Variants in GRIK5 observed in about 807,000 individuals in gnomAD.
GRIK5 encodes the protein glutamate ionotropic receptor kainate type subunit 5, also known as glutamate receptor ionotropic, kainate 5.
Under a neutral mutation model 97.4 loss-of-function variants are expected in GRIK5, and 43 were observed. The observed-to-expected ratio is 0.44, with a 90% confidence interval of 0.35 to 0.57. The LOEUF is 0.57. GRIK5 is among the 20% of genes least tolerant of loss of function. The pLI is 0.01. For synonymous variants in GRIK5, 580 were observed against 583.5 expected (o/e 0.99, Z 0.09); for missense variants, 1,015 against 1,382.0 (o/e 0.73, Z 4.21).
At chr19:42,037,403 G>A (rs1310747882) in intron 12 of GRIK5, among the ~76,000 whole-genome samples, 1 of 152,212 alleles carries the variant, frequency 6.6e-6, no homozygotes, top group Admixed American at 6.5e-5. Flanking sequence ...AGGTTGCAGT[G>A]AGCCGAGATC....
In GRIK5 at chr19:42,056,670, C is replaced by G; in HGVS notation, c.895G>C (p.Gly299Arg). ...RENCEASTYL[G>R]PALSAALMFD... ...GGTATCTGTGTGCTCACCGCAGGGC[C>G]CAGGTAGGTGCTGGCTTCACAGTTC... is the stretch of plus-strand genomic sequence containing the variant. The change falls in exon 8 of 20, where the codon GGC becomes CGC. Residue 299 changes from glycine to arginine, a missense_variant. Coordinates refer to ENST00000593562, the MANE Select transcript of GRIK5 (RefSeq NM_002088.5). The G allele has an allele frequency of 6.2e-7, 1 of 1,613,940 alleles. No individual in the cohort carries two copies. The highest frequency in any genetic ancestry group is 8.5e-7 in the Non-Finnish European group (1 of 1,179,890).
intron 3 of GRIK5, among the ~76,000 whole-genome samples, chr19:42,064,541 C>T (rs1032214395): frequency 1.3e-5 from 2 of 152,180 alleles, no homozygotes; most frequent in Non-Finnish European, 2.9e-5. Flanking sequence ...ATCCCAGCTT[C>T]TCCCAAGTTG....
At chr19:42,057,060 G>T in intron 6 of GRIK5, 82 bp from the exon 7 acceptor site, 2 of 1,019,962 alleles carry the variant, frequency 2.0e-6, no homozygotes, top group African/African-American at 1.6e-5. Flanking sequence ...GAGAAGAAGA[G>T]AGATTTAGAG....
In GRIK5 at chr19:41,999,949, G is replaced by A. The variant is rs1555870582; in HGVS notation, c.2515-650C>T. ...AAGGATCCTTAAATAAAGACAGGGT[G>A]AGCCACTGGAGACCTGGGAAGCCAG... On this transcript the variant is annotated intron_variant, in intron 19 of 19. Transcript: ENST00000593562. The surrounding 1 kb of genome is among the most constrained non-coding windows in gnomAD (Gnocchi z 5.0). Among the ~76,000 whole-genome samples, 1 of 152,236 alleles carries A rather than the reference G, an allele frequency of 6.6e-6. No individual in the cohort carries two copies. The highest frequency in any genetic ancestry group is 1.9e-4 in the East Asian group (1 of 5,206).
rs1439326383 is a variant in GRIK5 at position 42,058,346 on chromosome 19, A to T, written c.687+1003T>A. 3.3e-5 allele frequency among the ~76,000 whole-genome samples: 5 copies of T among 151,044 alleles called. No homozygotes were observed. The East Asian group carries it at 9.9e-4, about 30-fold the overall frequency. ...CAGGCGCCCGCCACCACGCCCGGCT[A>T]ATTCTTTTGTATTTTTAGTAGAAAT... On this transcript the variant is annotated intron_variant, in intron 6 of 19. Transcript: ENST00000593562.
rs576604790 is a variant in GRIK5 at position 42,039,399 on chromosome 19, C to T, written c.1473+3153G>A. Among the ~76,000 whole-genome samples, 9 of 152,016 alleles carry T rather than the reference C, an allele frequency of 5.9e-5. No homozygotes were observed. The South Asian group carries it at 1.5e-3, about 25-fold the overall frequency. ...GAGGCAGGAGAATCATTTGAACCCA[C>T]GAGGCAGAGGTTGCAGTGAGCCAAG... On this transcript the variant is annotated intron_variant, in intron 12 of 19. Transcript: ENST00000593562.
At chr19:42,037,296 C>A (rs1568908575) in intron 12 of GRIK5, among the ~76,000 whole-genome samples, 2 of 152,154 alleles carry the variant, frequency 1.3e-5, no homozygotes, top group Non-Finnish European at 2.9e-5. Context: ...CCCGTCTCCA[C>A]TAAAAATACA....
In GRIK5 at chr19:42,021,932, A is replaced by T; in HGVS notation, c.1697+15T>A. The T allele has an allele frequency of 6.4e-7, 1 of 1,570,116 alleles. No homozygotes were observed. Among genetic ancestry groups the T allele is most frequent in the Non-Finnish European group, 8.7e-7 (1 of 1,143,176 alleles). On this transcript the variant is annotated intron_variant, in intron 14 of 19. Transcript: ENST00000593562. The surrounding 1 kb of genome is among the most constrained non-coding windows in gnomAD (Gnocchi z 4.2). ...CTCCTCCAGCCCCTTCCTTCCCAGT[A>T]GGCAGTGGACTCACCTGGCAGCCAG...
At chr19:42,023,737 G>T (rs1011783148) in intron 12 of GRIK5, among the ~76,000 whole-genome samples, 2 of 152,188 alleles carry the variant, frequency 1.3e-5, no homozygotes, top group African/African-American at 4.8e-5. Context: ...ACACTCCTCA[G>T]ATCTGTCCAT....
intron 6 of GRIK5, among the ~76,000 whole-genome samples, chr19:42,057,232 G>GGGACATTTTGCT (rs2076198677): frequency 6.6e-6 from 1 of 152,142 alleles, no homozygotes; most frequent in African/African-American, 2.4e-5. Flanking sequence ...TTTGCTAGAG[G>GGGACATTTTGCT]AGAGATTTTG....
In GRIK5 at chr19:42,021,416, G is replaced by T; in HGVS notation, c.1756C>A (p.Leu586Met). The part of the protein sequence containing the change: ...HPCLRARPHI[L>M]ENQYTLGNSL... Reference sequence around the variant, plus strand: ...TTGCCCAGCGTGTACTGGTTCTCCAGGATGTGGGGGCGTGCCCGCAGGCAT... The same window carrying T: ...TTGCCCAGCGTGTACTGGTTCTCCATGATGTGGGGGCGTGCCCGCAGGCAT... Residue 586 changes from leucine (L) to methionine (M), a missense_variant, in exon 15 of 20, where the codon CTG becomes ATG. Physicochemically the swap from Leu to Met is conservative, Grantham distance 15 (BLOSUM62 2). Transcript: ENST00000593562. This position sits in a 1 kb window ranked among gnomAD's most constrained non-coding sequence, Gnocchi z 4.2. 1.2e-6 allele frequency: 2 copies of T among 1,610,766 alleles called. No individual in the cohort carries two copies. The highest frequency in any genetic ancestry group is 2.2e-5 in the South Asian group (2 of 90,624).
intron 6 of GRIK5, among the ~76,000 whole-genome samples, chr19:42,058,734 G>A (rs1010259435): frequency 6.7e-6 from 1 of 149,444 alleles, no homozygotes; most frequent in East Asian, 2.0e-4. Context: ...GCTGACACAG[G>A]AGAATCACTT....
chr19:42,003,820 ACC>A lies in GRIK5; in HGVS notation c.2264-139_2264-138del. On this transcript the variant is annotated intron_variant, in intron 17 of 19. Transcript: ENST00000593562. The surrounding 1 kb of genome is among the most constrained non-coding windows in gnomAD (Gnocchi z 4.2). Reference sequence around the variant, plus strand: ...AGGGTCTTCCCTGCAGCCTCTCCTCACCCCCAGCCCAGTCTCCTCTCAACACA... The same window carrying A: ...AGGGTCTTCCCTGCAGCCTCTCCTCACCCAGCCCAGTCTCCTCTCAACACA... 1.2e-6 allele frequency: 1 copy of A among 867,808 alleles called. No individual in the cohort carries two copies. The highest frequency in any genetic ancestry group is 1.7e-6 in the Non-Finnish European group (1 of 587,072). The allele number at this position is 867,808 out of a possible 1,614,324, so 53.8% of individuals were successfully genotyped here.
rs1002559399 is a variant in GRIK5, at chr19:42,021,812, A to C, written c.1697+135T>G. The C allele has an allele frequency of 1.7e-5, 11 of 636,200 alleles. No individual in the cohort carries two copies. Among genetic ancestry groups the C allele is most frequent in the African/African-American group, 7.4e-5 (4 of 54,296 alleles). The allele number at this position is 636,200 out of a possible 1,614,324, so 39.4% of individuals were successfully genotyped here. ...TCAGACACAGGGCACAAAACTGAGA[A>C]AGGAGGGCACAGGGAATCCGAGGCC... On this transcript the variant is annotated intron_variant, in intron 14 of 19. Transcript: ENST00000593562. This position sits in a 1 kb window ranked among gnomAD's most constrained non-coding sequence, Gnocchi z 4.2.
At chr19:42,023,248 A>T (rs1400159526) in intron 12 of GRIK5, among the ~76,000 whole-genome samples, 3 of 151,940 alleles carry the variant, frequency 2.0e-5, no homozygotes, top group Non-Finnish European at 4.4e-5. Flanking sequence ...GCCTCGATAA[A>T]ACCGAGGAGC....
intron 12 of GRIK5, among the ~76,000 whole-genome samples, chr19:42,024,513 T>C (rs182365253): frequency 8.3e-4 from 126 of 152,226 alleles, no homozygotes; most frequent in African/African-American, 2.9e-3. Flanking sequence ...GCGCCTGGCC[T>C]CATTGTCCTG....
Position 41,999,752 on chromosome 19 carries a change from G to T in GRIK5, c.2515-453C>A, listed in dbSNP as rs535549915. 6.6e-6 allele frequency among the ~76,000 whole-genome samples: 1 copy of T among 150,798 alleles called. No homozygotes were observed. The highest frequency in any genetic ancestry group is 2.1e-4 in the South Asian group (1 of 4,824). ...GAAACAGACAGAAGTCCCAGCCCTC[G>T]TGGAGGTTATGCTCAAGTGTGCAGA... On this transcript the variant is annotated intron_variant, in intron 19 of 19. Transcript: ENST00000593562. This position sits in a 1 kb window ranked among gnomAD's most constrained non-coding sequence, Gnocchi z 5.0.
chr19:42,048,544 G>A (rs368788366), intron 11 of GRIK5, among the ~76,000 whole-genome samples: 1 of 152,056 alleles, frequency 6.6e-6, no homozygotes, highest in East Asian at 1.9e-4. Flanking sequence ...GGCGTGAACC[G>A]AGGAGGCAGA....
rs547977803 is a variant in GRIK5, at chr19:42,038,854, C to G, written c.1473+3698G>C. 2.0e-5 allele frequency among the ~76,000 whole-genome samples: 3 copies of G among 152,338 alleles called. No individual in the cohort carries two copies. The East Asian group carries it at 5.8e-4, about 29-fold the overall frequency. Reference sequence around the variant, plus strand: ...GACTATTCCTGTGCAGCTCGGCACACTCGGCTATCCCACAGCAGGGCAAGG... The same window carrying G: ...GACTATTCCTGTGCAGCTCGGCACAGTCGGCTATCCCACAGCAGGGCAAGG... On this transcript the variant is annotated intron_variant, in intron 12 of 19. Transcript: ENST00000593562.
Sources: gnomAD v4.1 joint callset for allele counts (sites outside exome capture counted in the v4.1 genomes callset) on GRCh38, gnomAD v4.1.1 for gene constraint, Gnocchi (gnomAD v3.1) non-coding constraint, MANE v1.5 for transcripts, NCBI Gene and HGNC (gene_info 2026-07-23, HGNC 2026-07-21) for gene names.